PRDM5: variants seen among roughly 807,000 people sequenced by gnomAD.
PRDM5 encodes the protein PR/SET domain 5, also known as PR domain zinc finger protein 5.
In PRDM5, 56 loss-of-function variants were observed where a neutral mutation model predicts 81.2. That is an observed-to-expected ratio of 0.69 (90% CI 0.56 to 0.86). The LOEUF is 0.86. PRDM5 is among the 40% of genes least tolerant of loss of function. The pLI is 0.00. For missense variants in PRDM5, 697 were observed against 770.1 expected (o/e 0.91, Z 1.12); for synonymous variants, 267 against 256.4 (o/e 1.04, Z -0.39).
intron 13 of PRDM5, among the ~76,000 whole-genome samples, chr4:120,756,226 C>G (rs761567662): frequency 6.6e-6 from 1 of 152,166 alleles, no homozygotes; most frequent in Non-Finnish European, 1.5e-5. Context: ...CCCCAATCTC[C>G]ATGTACACAT....
At chr4:120,790,454 T>C (rs942426064) in intron 10 of PRDM5, among the ~76,000 whole-genome samples, 1 of 152,198 alleles carries the variant, frequency 6.6e-6, no homozygotes. Context: ...ATAACTCATA[T>C]GTAACAACTC....
intron 2 of PRDM5, among the ~76,000 whole-genome samples, chr4:120,883,013 G>A (rs576619876): frequency 6.1e-4 from 93 of 152,280 alleles, no homozygotes; most frequent in Non-Finnish European, 1.0e-3. Flanking sequence ...TGTAGTACTC[G>A]CTGGATCTCA....
chr4:120,867,935 C>T (rs1032164661), intron 2 of PRDM5, among the ~76,000 whole-genome samples: 2 of 152,312 alleles, frequency 1.3e-5, no homozygotes, highest in African/African-American at 4.8e-5. Flanking sequence ...AATGTGTTCA[C>T]TGAGTGAAAT....
rs540100760 is a variant in PRDM5 at position 120,840,942 on chromosome 4, T to C, written c.300+12476A>G. On this transcript the variant is annotated intron_variant, in intron 3 of 15. Transcript: ENST00000264808. ...TCAGGCAGTAATTCTCGCTCACCCATGGCTCACCTCCAGCTGTGCAGCCAG... is the reference window on the plus strand; with the variant it reads ...TCAGGCAGTAATTCTCGCTCACCCACGGCTCACCTCCAGCTGTGCAGCCAG... 3.9e-5 allele frequency among the ~76,000 whole-genome samples: 6 copies of C among 152,296 alleles called. No homozygotes were observed. The South Asian group carries it at 1.0e-3, about 26-fold the overall frequency.
At chr4:120,766,336 C>G (rs867515835) in intron 13 of PRDM5, among the ~76,000 whole-genome samples, 71 of 152,250 alleles carry the variant, frequency 4.7e-4, no homozygotes, top group African/African-American at 1.6e-3. Flanking sequence ...AATGTTCATT[C>G]AAGAAGGAAA....
At chr4:120,700,338 C>T (rs1735168617) in intron 15 of PRDM5, among the ~76,000 whole-genome samples, 1 of 152,050 alleles carries the variant, frequency 6.6e-6, no homozygotes, top group African/African-American at 2.4e-5. Context: ...AATGTAAGAG[C>T]TCAAACTATA....
chr4:120,710,515 C>T, intron 14 of PRDM5, 102 bp from the exon 15 acceptor site: 6 of 919,694 alleles, frequency 6.5e-6, no homozygotes, highest in Non-Finnish European at 1.1e-5. Flanking sequence ...AATACTGCAG[C>T]AAATTTACAG....
At chr4:120,743,170 A>T (rs1298261404) in intron 14 of PRDM5, among the ~76,000 whole-genome samples, 1 of 151,832 alleles carries the variant, frequency 6.6e-6, no homozygotes, top group East Asian at 1.9e-4. Flanking sequence ...TTTCATATCC[A>T]GCCAAACTAA....
intron 13 of PRDM5, among the ~76,000 whole-genome samples, chr4:120,776,605 A>G (rs895146166): frequency 6.6e-6 from 1 of 152,230 alleles, no homozygotes; most frequent in African/African-American, 2.4e-5. Context: ...TGATAGGTAG[A>G]ATCCAGACAA....
chr4:120,917,276 T>C (rs966289220), intron 1 of PRDM5, among the ~76,000 whole-genome samples: 6 of 152,266 alleles, frequency 3.9e-5, no homozygotes, highest in Middle Eastern at 3.4e-3. Context: ...CCCGTAGATA[T>C]ATGTTTGGCT....
chr4:120,871,228 G>A (rs941686092), intron 2 of PRDM5, among the ~76,000 whole-genome samples: 1 of 152,182 alleles, frequency 6.6e-6, no homozygotes, highest in African/African-American at 2.4e-5. Flanking sequence ...TCATCGAACA[G>A]GAAAGCTAAG....
intron 2 of PRDM5, among the ~76,000 whole-genome samples, chr4:120,858,748 T>C (rs1166984977): frequency 2.6e-5 from 4 of 152,322 alleles, no homozygotes; most frequent in Middle Eastern, 3.4e-3. Flanking sequence ...CATTTACAGA[T>C]AACTGTTTCT....
rs1454242904 is a variant in PRDM5 at position 120,785,035 on chromosome 4, G to C, written c.1245C>G (p.Thr415=). 3.1e-6 allele frequency: 5 copies of C among 1,611,362 alleles called. No individual in the cohort carries two copies. The highest frequency in any genetic ancestry group is 3.3e-4 in the Middle Eastern group (2 of 6,078). The change falls in exon 11 of 16, where the codon ACC becomes ACG. Residue 415 remains threonine (T), a synonymous_variant. Coordinates refer to ENST00000264808, the MANE Select transcript of PRDM5 (RefSeq NM_018699.4). ...GCAGGTGTCTCTGTAAAGAAAATGG[G>C]GTCCGGAACAAAGCTTTACATTCTT... ...QCEECKALFR[T]PFSLQRHLLI...
chr4:120,859,542 GAACA>G (rs1268157695), intron 2 of PRDM5, among the ~76,000 whole-genome samples: 1 of 151,970 alleles, frequency 6.6e-6, no homozygotes, highest in Non-Finnish European at 1.5e-5. Flanking sequence ...CTTTTTCAAG[GAACA>G]AACATAGTAC....
intron 14 of PRDM5, among the ~76,000 whole-genome samples, chr4:120,728,772 A>G (rs1006114015): frequency 2.0e-5 from 3 of 152,204 alleles, no homozygotes; most frequent in Non-Finnish European, 4.4e-5. Context: ...CTGAGGTTAC[A>G]AGAAAGGGTA....
chr4:120,896,492 T>G (rs114861530), intron 2 of PRDM5: 1 of 152,142 alleles, frequency 6.6e-6, no homozygotes. Flanking sequence ...TTGCACATAG[T>G]TGATTAACAG....
At chr4:120,793,029 G>GCTACA (rs1750809602) in intron 10 of PRDM5, among the ~76,000 whole-genome samples, 1 of 152,166 alleles carries the variant, frequency 6.6e-6, no homozygotes, top group Non-Finnish European at 1.5e-5. Context: ...CCCCAACCCT[G>GCTACA]CTACAGCAGG....
chr4:120,721,304 A>G (rs1738567778), intron 14 of PRDM5, among the ~76,000 whole-genome samples: 1 of 152,148 alleles, frequency 6.6e-6, no homozygotes, highest in African/African-American at 2.4e-5. Context: ...TAAACCACCT[A>G]GGGATCTTTT....
At chr4:120,918,549 A>AT (rs957090792) in intron 1 of PRDM5, among the ~76,000 whole-genome samples, 6 of 144,840 alleles carry the variant, frequency 4.1e-5, no homozygotes, top group African/African-American at 1.3e-4. Context: ...TCTTTCTTTG[A>AT]TTTTTTTTAA....
Sources: gnomAD v4.1 joint callset for allele counts (sites outside exome capture counted in the v4.1 genomes callset) on GRCh38, gnomAD v4.1.1 for gene constraint, MANE v1.5 for transcripts, NCBI Gene and HGNC (gene_info 2026-07-23, HGNC 2026-07-21) for gene names.